Variants in LONRF3 observed in about 807,000 individuals in gnomAD.
LONRF3 encodes the protein LON peptidase N-terminal domain and RING finger protein 3.
A neutral mutation model predicts 51.7 loss-of-function variants in LONRF3; 19 were observed. The ratio of observed to expected loss-of-function variants is 0.37; its 90% confidence interval spans 0.26 to 0.54. LONRF3 has a LOEUF of 0.54. LONRF3 is among the 20% of genes least tolerant of loss of function. LONRF3 has a pLI of 0.86. For synonymous variants in LONRF3, 265 were observed against 257.8 expected, an observed-to-expected ratio of 1.03 and a Z score of -0.27; for missense variants, 521 against 623.9, an observed-to-expected ratio of 0.84 and a Z score of 1.76.
chrX:119,012,085 G>A, intron 8 of LONRF3, 112 bp downstream of exon 8: 2 of 740,345 alleles, frequency 2.7e-6, no homozygotes, highest in Middle Eastern at 4.3e-4. Flanking sequence ...TTAGCCAACT[G>A]AAGAATATGA....
At chrX:119,006,367 A>G in intron 6 of LONRF3, 132 bp downstream of exon 6, 1 of 329,681 alleles carries the variant, frequency 3.0e-6, no homozygotes, top group Middle Eastern at 7.9e-4. Flanking sequence ...AGGGCACATT[A>G]CTCCCTCAAA....
Position 118,989,716 on chromosome X carries a change from C to G in LONRF3, c.1324+44C>G, listed in dbSNP as rs376495628. On this transcript the variant is annotated intron_variant, in intron 4 of 10. Transcript: ENST00000371628. ...GAGAAGGTAGCTTGGAGGAGATCCCCGGGCTCACCAATATATACAAGTTAC... is the reference window on the plus strand; with the variant it reads ...GAGAAGGTAGCTTGGAGGAGATCCCGGGGCTCACCAATATATACAAGTTAC... 6.9e-6 allele frequency: 8 copies of G among 1,166,359 alleles called. No homozygotes were observed. In the South Asian group the frequency reaches 1.2e-4, roughly 18 times the overall value.
At chrX:118,995,202 A>G (rs1923784004) in intron 5 of LONRF3, among the ~76,000 whole-genome samples, 2 of 112,454 alleles carry the variant, frequency 1.8e-5, no homozygotes, top group Non-Finnish European at 3.8e-5. Flanking sequence ...AAAACCATGC[A>G]AATAACATGG....
intron 5 of LONRF3, among the ~76,000 whole-genome samples, chrX:119,001,487 T>A (rs1477382261): frequency 8.9e-6 from 1 of 112,280 alleles, no homozygotes; most frequent in Non-Finnish European, 1.9e-5. Flanking sequence ...AATTACCACC[T>A]CTTAATATAC....
At chrX:118,978,031 A>G (rs1031565) in intron 1 of LONRF3, among the ~76,000 whole-genome samples, 3,977 of 110,802 alleles carry the variant, frequency 0.036, 127 homozygotes, top group East Asian at 0.13. Context: ...AGGCTGCCGG[A>G]CACTAGCCGT....
chrX:119,016,496 C>T (rs1470656879), intron 10 of LONRF3, among the ~76,000 whole-genome samples: 3 of 108,577 alleles, frequency 2.8e-5, no homozygotes, highest in Non-Finnish European at 3.8e-5. Context: ...TACAGAAGCC[C>T]GCCACCGCGC....
In LONRF3 at chrX:119,017,898, C is replaced by A; in HGVS notation, c.*208C>A. 3.0e-6 allele frequency: 1 copy of A among 330,112 alleles called. No individual in the cohort carries two copies. Among genetic ancestry groups the A allele is most frequent in the East Asian group, 4.8e-5 (1 of 20,828 alleles). 27.2% of individuals were successfully genotyped at this position (330,112 alleles called of 1,213,427 possible). On this transcript the variant is annotated 3_prime_UTR_variant, in exon 11 of 11. Coordinates refer to ENST00000371628, the MANE Select transcript of LONRF3 (RefSeq NM_001031855.3). ...CTTTCTGTCTTAAGATGCTTCTTGACATGCTGCATAACTACATAAACAGCA... is the reference window on the plus strand; with the variant it reads ...CTTTCTGTCTTAAGATGCTTCTTGAAATGCTGCATAACTACATAAACAGCA...
intron 2 of LONRF3, among the ~76,000 whole-genome samples, chrX:118,980,569 C>T (rs959794988): frequency 6.3e-5 from 2 of 31,810 alleles, no homozygotes; most frequent in Non-Finnish European, 1.3e-4. Context: ...ATGATGGATT[C>T]ATTTTTTTTT....
intron 7 of LONRF3, among the ~76,000 whole-genome samples, chrX:119,009,457 A>G (rs41309532): frequency 0.011 from 1,243 of 112,091 alleles, 7 homozygotes; most frequent in Non-Finnish European, 0.019. Flanking sequence ...ACATACCAGC[A>G]TACCACTGAA....
rs181474873 is a variant in LONRF3 at position 119,004,464 on chromosome X, A to G, written c.1416-1657A>G. Among the ~76,000 whole-genome samples, 203 of 112,703 alleles carry G rather than the reference A, an allele frequency of 1.8e-3. 1 individual carries two copies. Among genetic ancestry groups the G allele is most frequent in the African/African-American group, 6.0e-3 (185 of 31,019 alleles). On this transcript the variant is annotated intron_variant, in intron 5 of 10. Transcript: ENST00000371628. ...GTAACTGATATTTGAAGACCAATAC[A>G]GTAAGTTTGCCTATGCAGAGATTAA...
Position 118,978,593 on chromosome X carries a change from A to T in LONRF3, c.936+130A>T, listed in dbSNP as rs941360658. 3 of 441,524 alleles carry T rather than the reference A, an allele frequency of 6.8e-6. No individual in the cohort carries two copies. The African/African-American group carries it at 7.4e-5, about 11-fold the overall frequency. The allele number at this position is 441,524 out of a possible 1,213,427, so 36.4% of individuals were successfully genotyped here. On this transcript the variant is annotated intron_variant, in intron 2 of 10. Coordinates refer to ENST00000371628, the MANE Select transcript of LONRF3 (RefSeq NM_001031855.3). Reference sequence around the variant, plus strand: ...AGGAAGAAGACTTTGCAAAGGAGCCAGGGTAAAGATCCCTGGGCAAAGAGT... The same window carrying T: ...AGGAAGAAGACTTTGCAAAGGAGCCTGGGTAAAGATCCCTGGGCAAAGAGT...
At chrX:118,986,498 A>G (rs1569475997) in intron 3 of LONRF3, among the ~76,000 whole-genome samples, 1 of 111,843 alleles carries the variant, frequency 8.9e-6, no homozygotes. Context: ...TGAACTTCAA[A>G]TTCCCCAAGT....
chrX:119,009,547 GC>G (rs1924961839), intron 7 of LONRF3, among the ~76,000 whole-genome samples: 1 of 111,683 alleles, frequency 9.0e-6, no homozygotes, highest in African/African-American at 3.3e-5. Flanking sequence ...AATTGGAGTA[GC>G]ATAAACAGGG....
rs912456121 is a variant in LONRF3 at position 118,981,394 on chromosome X, A to G, written c.937-1427A>G. ...CAGCTACTCAGGAGGCTGAGGCCGGAGAATCGCTTGAACCTAGGAGGTGGA... is the reference window on the plus strand; with the variant it reads ...CAGCTACTCAGGAGGCTGAGGCCGGGGAATCGCTTGAACCTAGGAGGTGGA... On this transcript the variant is annotated intron_variant, in intron 2 of 10. Transcript: ENST00000371628. Among the ~76,000 whole-genome samples the G allele has an allele frequency of 3.7e-5, 4 of 108,156 alleles. No individual in the cohort carries two copies. In the South Asian group the frequency reaches 1.7e-3, roughly 46 times the overall value. 93.9% of individuals were successfully genotyped at this position (108,156 alleles called of 115,157 possible). A position where few individuals can be genotyped will look rare whatever the true frequency, so the allele number is the denominator to read the frequency against.
chrX:119,014,964 T>C (rs780667150), intron 10 of LONRF3, among the ~76,000 whole-genome samples: 3 of 112,110 alleles, frequency 2.7e-5, no homozygotes, highest in Non-Finnish European at 5.6e-5. Flanking sequence ...AGTTGAGTTA[T>C]ACTAGACAGT....
chrX:118,985,112 T>C (rs1020146086), intron 3 of LONRF3, among the ~76,000 whole-genome samples: 1 of 112,156 alleles, frequency 8.9e-6, no homozygotes, highest in Admixed American at 9.4e-5. Flanking sequence ...TAGAGAGAGA[T>C]CTCAAGTAGT....
At chrX:118,991,751 A>T (rs1376601949) in intron 5 of LONRF3, among the ~76,000 whole-genome samples, 2 of 112,379 alleles carry the variant, frequency 1.8e-5, no homozygotes, top group African/African-American at 3.2e-5. Flanking sequence ...TCTTGTCAGT[A>T]AAATAGAGAA....
intron 5 of LONRF3, among the ~76,000 whole-genome samples, chrX:118,998,457 G>A (rs1470098749): frequency 9.1e-6 from 1 of 109,640 alleles, no homozygotes; most frequent in Non-Finnish European, 1.9e-5. Flanking sequence ...GGGACTTGGG[G>A]GGAAAAGTGG....
intron 5 of LONRF3, among the ~76,000 whole-genome samples, chrX:118,996,216 C>T (rs1359643724): frequency 3.6e-5 from 4 of 111,174 alleles, no homozygotes; most frequent in East Asian, 2.8e-4. Context: ...TAATACTGAA[C>T]GGGGAAAAGT....
Sources: allele counts gnomAD v4.1 joint callset (sites outside exome capture counted in the v4.1 genomes callset), GRCh38; gene constraint gnomAD v4.1.1; transcripts MANE v1.5; gene names NCBI Gene and HGNC (gene_info 2026-07-23, HGNC 2026-07-21).